DHX57: variants seen among roughly 807,000 people sequenced by gnomAD.
DHX57 encodes putative ATP-dependent RNA helicase DHX57.
In DHX57, 105 loss-of-function variants were observed where a neutral mutation model predicts 156.2. The observed-to-expected ratio is 0.67, with a 90% CI of 0.57 to 0.79. DHX57 has a LOEUF of 0.79. DHX57 is among the 30% of genes least tolerant of loss of function. DHX57 has a pLI of 0.00. For synonymous variants in DHX57, 704 were observed against 595.6 expected, an observed-to-expected ratio of 1.18 and a Z score of -2.65; for missense variants, 1,847 against 1,661.9, an observed-to-expected ratio of 1.11 and a Z score of -1.94.
chr2:38,805,496 G>A (rs952521063), intron 22 of DHX57, among the ~76,000 whole-genome samples: 4 of 152,200 alleles, frequency 2.6e-5, no homozygotes, highest in Non-Finnish European at 5.9e-5. Context: ...GAAAGCACCA[G>A]ATGTAAGATT....
chr2:38,816,914 A>T (rs1670573860), intron 19 of DHX57, among the ~76,000 whole-genome samples: 1 of 152,194 alleles, frequency 6.6e-6, no homozygotes, highest in Non-Finnish European at 1.5e-5. Context: ...ATGAAAAAAA[A>T]ATTTAGTAGG....
Position 38,875,805 on chromosome 2 carries a change from TC to T in DHX57, c.-26del. 1 of 382,940 alleles carries T rather than the reference TC, an allele frequency of 2.6e-6. No homozygotes were observed. Among genetic ancestry groups the T allele is most frequent in the East Asian group, 3.7e-5 (1 of 26,860 alleles). The allele number at this position is 382,940 out of a possible 1,614,324, so 23.7% of individuals were successfully genotyped here. ...GACGTACCTGGCTCGCAGAGTTGGG[TC>T]CCGAGCCGGCTGTCGGGAGGTGCTG... is the stretch of plus-strand genomic sequence containing the variant. On this transcript the variant is annotated 5_prime_UTR_variant, in exon 1 of 24. Transcript: ENST00000457308.
chr2:38,809,264 C>A (rs1162965673), intron 21 of DHX57, among the ~76,000 whole-genome samples: 2 of 151,914 alleles, frequency 1.3e-5, no homozygotes. Context: ...GGACTACAGG[C>A]ATGTACCACC....
In DHX57 at chr2:38,868,280, A is replaced by ACCACCG. The variant is rs764878499; in HGVS notation, c.120_125dup (p.Gly48_Gly49dup). ...TGTTGCCGCCACCTCCACCACCACC[A>ACCACCG]CCACCGCCACCGCCACCACTCCCAT... On this transcript the variant is annotated inframe_insertion, in exon 2 of 24. Coordinates refer to ENST00000457308, the MANE Select transcript of DHX57 (RefSeq NM_198963.3). The ACCACCG allele has an allele frequency of 1.1e-5, 17 of 1,560,826 alleles. No individual in the cohort carries two copies. Among genetic ancestry groups the ACCACCG allele is most frequent in the African/African-American group, 6.8e-5 (5 of 73,180 alleles).
At chr2:38,836,447 A>T (rs145495469) in intron 13 of DHX57, among the ~76,000 whole-genome samples, 223 of 152,182 alleles carry the variant, frequency 1.5e-3, no homozygotes, top group African/African-American at 5.2e-3. Context: ...TTTAAATAAC[A>T]TTTTCTTTTC....
intron 13 of DHX57, among the ~76,000 whole-genome samples, chr2:38,834,758 G>A (rs1286737937): frequency 2.6e-5 from 4 of 152,182 alleles, no homozygotes; most frequent in African/African-American, 9.6e-5. Flanking sequence ...AACCGTGGTT[G>A]CCTGCCATTT....
chr2:38,834,036 A>C, intron 13 of DHX57, among the ~76,000 whole-genome samples: 1 of 152,250 alleles, frequency 6.6e-6, no homozygotes, highest in South Asian at 2.1e-4. Context: ...GTAAAAATGC[A>C]GTATTAAATC....
At chr2:38,851,470 C>G (rs1672591199) in intron 9 of DHX57, among the ~76,000 whole-genome samples, 1 of 152,132 alleles carries the variant, frequency 6.6e-6, no homozygotes, top group Non-Finnish European at 1.5e-5. Context: ...TCAGAGTTAG[C>G]AAATATTCCC....
intron 2 of DHX57, among the ~76,000 whole-genome samples, chr2:38,865,361 C>T (rs1665015349): frequency 6.6e-6 from 1 of 152,082 alleles, no homozygotes; most frequent in African/African-American, 2.4e-5. Flanking sequence ...GGGGTGTCCC[C>T]CTTTACTTGG....
At position 38,854,068 on chromosome 2, in the gene DHX57, C is replaced by T. The variant is rs1040297873; in HGVS notation, c.2016G>A (p.Glu672=). ...CTTTGTTTTACCTTTCTTCTGTCCT[C>T]TCATGAACTTCATCAACAATGATAT... ...VSHIIVDEVH[E]RTEESDFLLL... The change falls in exon 9 of 24, where the codon GAG becomes GAA. Residue 672 remains glutamate, a synonymous_variant. Coordinates refer to ENST00000457308, the MANE Select transcript of DHX57 (RefSeq NM_198963.3). The T allele has an allele frequency of 7.4e-6, 12 of 1,612,886 alleles. No homozygotes were observed. Among genetic ancestry groups the T allele is most frequent in the African/African-American group, 4.0e-5 (3 of 74,876 alleles).
chr2:38,801,888 C>A (rs1002665453), intron 23 of DHX57, among the ~76,000 whole-genome samples: 8 of 152,092 alleles, frequency 5.3e-5, no homozygotes, highest in Admixed American at 3.9e-4. Context: ...TAAGCCACCG[C>A]ACCTGGGTGA....
intron 21 of DHX57, among the ~76,000 whole-genome samples, chr2:38,808,754 T>TTTA (rs1448828383): frequency 1.3e-5 from 2 of 152,204 alleles, no homozygotes; most frequent in Non-Finnish European, 2.9e-5. Context: ...ATATTATTTA[T>TTTA]TTATTTGCAT....
intron 13 of DHX57, among the ~76,000 whole-genome samples, chr2:38,830,530 G>C (rs1349766364): frequency 6.6e-6 from 1 of 151,908 alleles, no homozygotes; most frequent in Non-Finnish European, 1.5e-5. Context: ...TGGGAGGCTG[G>C]AGGCACGAGA....
rs149445056 is a variant in DHX57 at position 38,863,173 on chromosome 2, T to A, written c.383+188A>T. ...AGATAAAAAGGCAATCCCATGGATG[T>A]TGCAAAACAAACTCACTCTAAAATT... On this transcript the variant is annotated intron_variant, in intron 3 of 23. Transcript: ENST00000457308. 10 of 609,930 alleles carry A rather than the reference T, an allele frequency of 1.6e-5. No homozygotes were observed. In the East Asian group the frequency reaches 2.9e-4, roughly 18 times the overall value. The allele number at this position is 609,930 out of a possible 1,614,324, so 37.8% of individuals were successfully genotyped here.
intron 13 of DHX57, among the ~76,000 whole-genome samples, chr2:38,833,203 C>T (rs563832740): frequency 2.0e-5 from 3 of 151,694 alleles, no homozygotes; most frequent in South Asian, 2.1e-4. Context: ...AGTGCGGTGG[C>T]GCGATCTTGG....
intron 21 of DHX57, among the ~76,000 whole-genome samples, chr2:38,807,960 T>G (rs1196198040): frequency 1.5e-5 from 2 of 130,486 alleles, no homozygotes; most frequent in African/African-American, 5.8e-5. Flanking sequence ...TTTTTTTTTT[T>G]TTTTTTTTTT....
chr2:38,825,179 T>A (rs1354584681), intron 16 of DHX57, among the ~76,000 whole-genome samples: 1 of 152,238 alleles, frequency 6.6e-6, no homozygotes, highest in Non-Finnish European at 1.5e-5. Context: ...ATACACACAA[T>A]TTTACATTTT....
chr2:38,823,233 G>C lies in DHX57; in HGVS notation c.3051C>G (p.Leu1017=). Residue 1017 remains leucine (L), a synonymous_variant, in exon 17 of 24, where the codon CTC becomes CTG. Coordinates refer to ENST00000457308, the MANE Select transcript of DHX57 (RefSeq NM_198963.3). ...KILEMFSAHN[L]QSVFSRLIEP... ...CAATGAGCCGAGAGAACACAGACTG[G>C]AGATTATGAGCACTAAACATCTCTA... 1.2e-6 allele frequency: 2 copies of C among 1,614,124 alleles called. No individual in the cohort carries two copies. The highest frequency in any genetic ancestry group is 1.7e-6 in the Non-Finnish European group (2 of 1,180,026).
At chr2:38,858,550 A>C in intron 6 of DHX57, 111 bp downstream of exon 6, 1 of 1,397,128 alleles carries the variant, frequency 7.2e-7, no homozygotes, top group Non-Finnish European at 9.6e-7. Context: ...CCACTCAGGG[A>C]GAAAAAGAAC....
Sources: gnomAD v4.1 joint callset for allele counts (sites outside exome capture counted in the v4.1 genomes callset) on GRCh38, gnomAD v4.1.1 for gene constraint, MANE v1.5 for transcripts, NCBI Gene and HGNC (gene_info 2026-07-23, HGNC 2026-07-21) for gene names.